The following ZNF84 variants were observed in gnomAD, a reference collection of about 807,000 sequenced individuals.
ZNF84 encodes the protein zinc finger protein HPF2.
A neutral mutation model predicts 14.8 loss-of-function variants in ZNF84; 12 were observed. The ratio of observed to expected loss-of-function variants is 0.81; its 90% CI spans 0.52 to 1.31. ZNF84 has a LOEUF of 1.31. ZNF84 is among the 50% of genes most tolerant of loss of function. The pLI, the probability that ZNF84 is intolerant of heterozygous loss-of-function variation, is 0.00. For synonymous variants in ZNF84, 347 were observed against 291.1 expected, an observed-to-expected ratio of 1.19 and a Z score of -1.96; for missense variants, 859 against 878.6, an observed-to-expected ratio of 0.98 and a Z score of 0.28.
intron 2 of ZNF84, among the ~76,000 whole-genome samples, chr12:133,045,153 C>T (rs1485631107): frequency 6.6e-6 from 1 of 152,076 alleles, no homozygotes; most frequent in Non-Finnish European, 1.5e-5. Context: ...CCTCTTCCCA[C>T]CCCAGCCTAA....
intron 4 of ZNF84, among the ~76,000 whole-genome samples, chr12:133,049,227 A>T (rs1375394730): frequency 6.6e-6 from 1 of 152,050 alleles, no homozygotes; most frequent in East Asian, 1.9e-4. Context: ...GTCCTCTCAC[A>T]TGTTTGATCC....
At chr12:133,049,702 C>G (rs1040257022) in intron 4 of ZNF84, among the ~76,000 whole-genome samples, 3 of 152,202 alleles carry the variant, frequency 2.0e-5, no homozygotes, top group Non-Finnish European at 1.5e-5. Context: ...AGGCTGGTCT[C>G]AAACTCCTGA....
Position 133,041,331 on chromosome 12 carries a change from G to C in ZNF84, c.-137G>C. 1.2e-6 allele frequency: 1 copy of C among 822,692 alleles called. No individual in the cohort carries two copies. The highest frequency in any genetic ancestry group is 2.0e-6 in the Non-Finnish European group (1 of 492,334). The allele number at this position is 822,692 out of a possible 1,614,324, so 51.0% of individuals were successfully genotyped here. A position where few individuals can be genotyped will look rare whatever the true frequency, so the allele number is the denominator to read the frequency against. ...CCTGCTCATGTGAGATAAGAAAGGA[G>C]TTCCTGGAACCAGGAATTCATTCTC... On this transcript the variant is annotated 5_prime_UTR_variant, in exon 2 of 5. Transcript: ENST00000539354.
intron 1 of ZNF84, among the ~76,000 whole-genome samples, chr12:133,040,163 A>T (rs1447878936): frequency 6.6e-6 from 1 of 151,216 alleles, no homozygotes; most frequent in Non-Finnish European, 1.5e-5. Flanking sequence ...TTTTTTTTTT[A>T]AACACCAATA....
At chr12:133,040,662 A>G (rs1352504969) in intron 1 of ZNF84, 11 of 152,066 alleles carry the variant, frequency 7.2e-5, no homozygotes, top group African/African-American at 2.4e-4. Flanking sequence ...GGGGGTATGA[A>G]GCGTTGTTAC....
chr12:133,038,007 GTTATAT>G (rs1345249502), intron 1 of ZNF84: 1 of 152,222 alleles, frequency 6.6e-6, no homozygotes, highest in African/African-American at 2.4e-5. Flanking sequence ...TTTTTTAATG[GTTATAT>G]TTATTGACTG....
chr12:133,042,032 A>G (rs1953897183), intron 2 of ZNF84, among the ~76,000 whole-genome samples: 1 of 152,214 alleles, frequency 6.6e-6, no homozygotes, highest in African/African-American at 2.4e-5. Context: ...TCTGAGTAGC[A>G]TGATGAACTC....
intron 2 of ZNF84, among the ~76,000 whole-genome samples, chr12:133,046,980 T>TAG (rs2137362867): frequency 6.9e-6 from 1 of 145,862 alleles, no homozygotes; most frequent in South Asian, 2.1e-4. Flanking sequence ...TATTTATATA[T>TAG]ATATATAATA....
chr12:133,056,336 C>T (rs1954157296), intron 4 of ZNF84, among the ~76,000 whole-genome samples: 1 of 152,086 alleles, frequency 6.6e-6, no homozygotes, highest in East Asian at 1.9e-4. Context: ...TCACTGCAAT[C>T]TCCGCCTCCT....
chr12:133,052,926 G>A (rs1773676767), intron 4 of ZNF84, among the ~76,000 whole-genome samples: 1 of 152,210 alleles, frequency 6.6e-6, no homozygotes, highest in African/African-American at 2.4e-5. Context: ...TTTAGAAACG[G>A]AATGGAAGCC....
In ZNF84 at chr12:133,059,635, C is replaced by G. The variant is rs1464617517; in HGVS notation, c.*703C>G. On this transcript the variant is annotated 3_prime_UTR_variant, in exon 5 of 5. Transcript: ENST00000539354. Reference sequence around the variant, plus strand: ...CTTAGTGGTATTTGTGGCTTATCTTCTAGTGTCACGTATGTTTTGTGTTTT... The same window carrying G: ...CTTAGTGGTATTTGTGGCTTATCTTGTAGTGTCACGTATGTTTTGTGTTTT... The G allele has an allele frequency of 1.3e-5, 2 of 152,168 alleles. No homozygotes were observed. The highest frequency in any genetic ancestry group is 2.4e-5 in the African/African-American group (1 of 41,426). The allele number at this position is 152,168 out of a possible 1,614,324, so 9.4% of individuals were successfully genotyped here.
chr12:133,058,715 A>C lies in ZNF84; in HGVS notation c.2000A>C (p.Lys667Thr). ...GAGTGTGGCAAAGCTTTCTCTCGGA[A>C]GTCACACCTTATACCACATCAAAGG... The part of the protein sequence containing the change: ...CSECGKAFSR[K>T]SHLIPHQRTH... The change falls in exon 5 of 5, where the codon AAG becomes ACG. Residue 667 changes from lysine (K) to threonine (T), a missense_variant. Lys to Thr is a moderately conservative substitution (Grantham distance 78). Transcript: ENST00000539354. 3 of 1,614,022 alleles carry C rather than the reference A, an allele frequency of 1.9e-6. No homozygotes were observed. The highest frequency in any genetic ancestry group is 2.5e-6 in the Non-Finnish European group (3 of 1,179,978).
chr12:133,038,295 G>C (rs201351321), intron 1 of ZNF84, among the ~76,000 whole-genome samples: 46 of 147,084 alleles, frequency 3.1e-4, no homozygotes, highest in African/African-American at 1.1e-3. Context: ...TAGACAGTTT[G>C]CTTTTTTTCA....
intron 4 of ZNF84, among the ~76,000 whole-genome samples, chr12:133,050,323 T>C (rs762556656): frequency 6.6e-5 from 10 of 152,190 alleles, no homozygotes; most frequent in African/African-American, 7.2e-5. Context: ...ATGTACTAAC[T>C]CCCATCTCTC....
intron 1 of ZNF84, 21 bp downstream of exon 1, chr12:133,037,566 G>C (rs752083544): frequency 4.8e-4 from 73 of 152,282 alleles, no homozygotes; most frequent in Non-Finnish European, 9.2e-4. Flanking sequence ...TGAGTTTATT[G>C]CGGGCCCGGC....
At chr12:133,050,872 C>T (rs2137384142) in intron 4 of ZNF84, among the ~76,000 whole-genome samples, 1 of 152,262 alleles carries the variant, frequency 6.6e-6, no homozygotes, top group East Asian at 1.9e-4. Context: ...AATTAAATGT[C>T]TTCACTTTAG....
chr12:133,058,975 C>A lies in ZNF84; in HGVS notation c.*43C>A. On this transcript the variant is annotated 3_prime_UTR_variant, in exon 5 of 5. Transcript: ENST00000539354. ...GTCTTTGACAGATCATCTTGGACTT[C>A]AGGAAATGCAATTATGATAACGTTT... The A allele has an allele frequency of 1.3e-6, 2 of 1,508,944 alleles. No individual in the cohort carries two copies. Among genetic ancestry groups the A allele is most frequent in the Non-Finnish European group, 1.8e-6 (2 of 1,129,770 alleles). 93.5% of individuals were successfully genotyped at this position (1,508,944 alleles called of 1,614,324 possible).
chr12:133,058,243 A>C lies in ZNF84; in HGVS notation c.1528A>C (p.Thr510Pro). The C allele has an allele frequency of 6.2e-7, 1 of 1,614,122 alleles. No individual in the cohort carries two copies. Among genetic ancestry groups the C allele is most frequent in the Non-Finnish European group, 8.5e-7 (1 of 1,180,014 alleles). The change falls in exon 5 of 5, where the codon ACA becomes CCA. Residue 510 changes from threonine (T) to proline (P), a missense_variant. Coordinates refer to ENST00000539354, the MANE Select transcript of ZNF84 (RefSeq NM_001289971.2). ...TCTCACTAATCATCAAAGAATTCAT[A>C]CAGGAGAAAAACCATATGTATGCAG... ...LSLTNHQRIH[T>P]GEKPYVCSEC...
Position 133,058,752 on chromosome 12 carries a change from T to G in ZNF84, c.2037T>G (p.Gly679=). 3.7e-6 allele frequency: 6 copies of G among 1,611,684 alleles called. No homozygotes were observed. The highest frequency in any genetic ancestry group is 5.1e-6 in the Non-Finnish European group (6 of 1,179,316). The change falls in exon 5 of 5, where the codon GGT becomes GGG. Residue 679 remains glycine, a synonymous_variant. Transcript: ENST00000539354. ...TACCACATCAAAGGACACATACGGG[T>G]GAGAAACCCTATGGATGCAGTGAAT... ...HLIPHQRTHT[G]EKPYGCSECR... is the part of the protein sequence containing the mutation.
Sources: gnomAD v4.1 joint callset for allele counts (sites outside exome capture counted in the v4.1 genomes callset) on GRCh38, gnomAD v4.1.1 for gene constraint, MANE v1.5 for transcripts, NCBI Gene and HGNC (gene_info 2026-07-23, HGNC 2026-07-21) for gene names.